The following MRC1 variants were observed in gnomAD, a reference collection of about 807,000 sequenced individuals.
MRC1 encodes the protein macrophage mannose receptor 1.
A neutral mutation model predicts 102.9 loss-of-function variants in MRC1; 62 were observed. That is an observed-to-expected ratio of 0.60 (90% CI 0.49 to 0.74). The LOEUF (loss-of-function observed/expected upper bound fraction) is 0.74. Ranked by LOEUF, MRC1 falls within the 30% of genes least tolerant of loss-of-function variation. MRC1 has a pLI of 0.00. For synonymous variants in MRC1, 457 were observed against 298.4 expected (o/e 1.53, Z -5.48); for missense variants, 1,237 against 862.8 (o/e 1.43, Z -5.43).
chr10:17,824,179 T>C (rs1390409569), intron 2 of MRC1, among the ~76,000 whole-genome samples: 3 of 152,228 alleles, frequency 2.0e-5, no homozygotes, highest in Non-Finnish European at 2.9e-5. Flanking sequence ...TTCTTTCTTA[T>C]ATTGACCAAA....
chr10:17,810,962 T>C (rs1838212057), intron 1 of MRC1, among the ~76,000 whole-genome samples: 1 of 152,104 alleles, frequency 6.6e-6, no homozygotes, highest in African/African-American at 2.4e-5. Flanking sequence ...CCAGCTGATT[T>C]TTGTAGTTTT....
At chr10:17,880,893 A>G (rs1404341504) in intron 20 of MRC1, among the ~76,000 whole-genome samples, 174 bp from the exon 21 acceptor site, 1 of 152,240 alleles carries the variant, frequency 6.6e-6, no homozygotes, top group African/African-American at 2.4e-5. Flanking sequence ...AACTTTGCAA[A>G]GAAAGTGAGT....
rs952514819 is a variant in MRC1 at position 17,869,921 on chromosome 10, A to G, written c.1984-325A>G. ...TCTTTCCATCTCAATGCCACTTTTT[A>G]CACTTAACCAAATTAATCTTGTCTT... On this transcript the variant is annotated intron_variant, in intron 12 of 29. Transcript: ENST00000569591. 2.9e-4 allele frequency among the ~76,000 whole-genome samples: 44 copies of G among 152,308 alleles called. 1 individual carries two copies. The South Asian group carries it at 8.5e-3, about 29-fold the overall frequency.
At chr10:17,857,776 G>A (rs1002916800) in intron 9 of MRC1, among the ~76,000 whole-genome samples, 1 of 152,198 alleles carries the variant, frequency 6.6e-6, no homozygotes. Flanking sequence ...ATACAGTGGT[G>A]TTGAGGGGTC....
chr10:17,895,304 A>C lies in MRC1; in HGVS notation c.3250+992A>C, dbSNP rs1025466252. Reference sequence around the variant, plus strand: ...ACAGGTTTGATTGTTGCTTTAATCCATGGAAGCCTATGACAGACAAAAAGG... The same window carrying C: ...ACAGGTTTGATTGTTGCTTTAATCCCTGGAAGCCTATGACAGACAAAAAGG... On this transcript the variant is annotated intron_variant, in intron 23 of 29. Transcript: ENST00000569591. Among the ~76,000 whole-genome samples the C allele has an allele frequency of 7.2e-5, 11 of 152,204 alleles. No homozygotes were observed. The South Asian group carries it at 2.3e-3, about 32-fold the overall frequency.
intron 2 of MRC1, among the ~76,000 whole-genome samples, chr10:17,826,694 C>A (rs1475850052): frequency 2.6e-5 from 4 of 152,342 alleles, no homozygotes; most frequent in East Asian, 1.9e-4. Flanking sequence ...GCTTCCTTAA[C>A]CTTTTTGGCT....
chr10:17,850,520 A>G (rs1838898798), intron 7 of MRC1, among the ~76,000 whole-genome samples: 2 of 152,196 alleles, frequency 1.3e-5, no homozygotes, highest in South Asian at 4.1e-4. Flanking sequence ...CTAAGCAGAA[A>G]AAAATAGATG....
At chr10:17,832,941 A>G (rs1047295454) in intron 3 of MRC1, among the ~76,000 whole-genome samples, 3 of 152,112 alleles carry the variant, frequency 2.0e-5, no homozygotes, top group Non-Finnish European at 4.4e-5. Flanking sequence ...TTGCATGCAT[A>G]TATTGCATCA....
rs1222375918 is a variant in MRC1, at chr10:17,838,130, G to GAATTC, written c.803-2561_803-2557dup. ...TCCTGTTTAGAAAACAGCTGAACTG[G>GAATTC]AATTCAGCCCTGTCTTCCATTTCAC... On this transcript the variant is annotated intron_variant, in intron 4 of 29. Transcript: ENST00000569591. 5.4e-4 allele frequency among the ~76,000 whole-genome samples: 82 copies of GAATTC among 152,182 alleles called. 1 individual carries two copies. Among genetic ancestry groups the GAATTC allele is most frequent in the East Asian group, 9.7e-4 (5 of 5,176 alleles).
At chr10:17,854,509 A>G (rs1833048768) in intron 8 of MRC1, among the ~76,000 whole-genome samples, 2 of 152,078 alleles carry the variant, frequency 1.3e-5, no homozygotes, top group African/African-American at 4.8e-5. Context: ...TCATGAAGTC[A>G]GAGCCGGAAG....
intron 7 of MRC1, among the ~76,000 whole-genome samples, chr10:17,851,338 G>C (rs1838913407): frequency 6.6e-6 from 1 of 151,842 alleles, no homozygotes; most frequent in Non-Finnish European, 1.5e-5. Context: ...TAAAAGTAAA[G>C]TTGTAAAGTT....
chr10:17,900,814 T>G lies in MRC1; in HGVS notation c.3510T>G (p.Asp1170Glu). 1 of 780,794 alleles carries G rather than the reference T, an allele frequency of 1.3e-6. No individual in the cohort carries two copies. The highest frequency in any genetic ancestry group is 1.3e-5 in the South Asian group (1 of 74,614). The allele number at this position is 780,794 out of a possible 1,614,324, so 48.4% of individuals were successfully genotyped here. A position where few individuals can be genotyped will look rare whatever the true frequency, so the allele number is the denominator to read the frequency against. Residue 1170 changes from aspartate (D) to glutamate (E), a missense_variant, in exon 25 of 30, where the codon GAT becomes GAG. Physicochemically the swap from Asp to Glu is conservative, Grantham distance 45. Coordinates refer to ENST00000569591, the MANE Select transcript of MRC1 (RefSeq NM_002438.4). ...NLTDNQYTWTDKWRVRYTNWA... is the reference protein window; with the variant it reads ...NLTDNQYTWTEKWRVRYTNWA... ...CTGATAATCAATACACTTGGACTGA[T>G]AAGTGGAGGGTGAGGTACACTAACT...
chr10:17,821,068 A>T (rs1343618502), intron 1 of MRC1, among the ~76,000 whole-genome samples: 2 of 152,166 alleles, frequency 1.3e-5, no homozygotes, highest in Non-Finnish European at 2.9e-5. Flanking sequence ...AACAGTTGTC[A>T]AGTGCAGAGA....
chr10:17,824,775 C>G (rs1838448383), intron 2 of MRC1, among the ~76,000 whole-genome samples: 1 of 152,088 alleles, frequency 6.6e-6, no homozygotes, highest in Non-Finnish European at 1.5e-5. Flanking sequence ...AAGATTGGCG[C>G]TAAGAAATCG....
intron 23 of MRC1, among the ~76,000 whole-genome samples, chr10:17,894,920 C>T (rs1465124125): frequency 6.6e-6 from 1 of 152,126 alleles, no homozygotes; most frequent in Non-Finnish European, 1.5e-5. Flanking sequence ...TGCCTGTAAT[C>T]CCAGCACTTT....
rs1423590855 is a variant in MRC1, at chr10:17,826,578, G to A, written c.464-964G>A. 5.9e-5 allele frequency among the ~76,000 whole-genome samples: 9 copies of A among 152,310 alleles called. 2 individuals carry two copies. In the Middle Eastern group the frequency reaches 0.02, roughly 345 times the overall value. On this transcript the variant is annotated intron_variant, in intron 2 of 29. Coordinates refer to ENST00000569591, the MANE Select transcript of MRC1 (RefSeq NM_002438.4). ...TCTGAATGTCAGTTGGTGGCAAGAG[G>A]TCAAATACTTTAATGTAAAAAGTTG... is the stretch of plus-strand genomic sequence containing the variant.
chr10:17,825,480 C>T (rs1209792497), intron 2 of MRC1, among the ~76,000 whole-genome samples: 1 of 152,120 alleles, frequency 6.6e-6, no homozygotes, highest in Non-Finnish European at 1.5e-5. Context: ...GTGGCTCACG[C>T]CTGTAATCCC....
rs782100594 is a variant in MRC1, at chr10:17,853,572, ATG to A, written c.1407+476_1407+477del. Among the ~76,000 whole-genome samples the A allele has an allele frequency of 5.7e-4, 84 of 146,806 alleles. 1 individual carries two copies. The highest frequency in any genetic ancestry group is 9.1e-4 in the African/African-American group (36 of 39,492). ...GAGATGTAAAAAGAGATATATATGTATGTGTGTGTGTGTGTGTGTGTGTGTGT... is the reference window on the plus strand; with the variant it reads ...GAGATGTAAAAAGAGATATATATGTATGTGTGTGTGTGTGTGTGTGTGTGT... On this transcript the variant is annotated intron_variant, in intron 8 of 29. Transcript: ENST00000569591.
chr10:17,847,059 T>C (rs1336890163), intron 6 of MRC1, among the ~76,000 whole-genome samples: 1 of 152,218 alleles, frequency 6.6e-6, no homozygotes, highest in African/African-American at 2.4e-5. Context: ...TTGATTATCC[T>C]TTACAGGCTC....
Sources: allele counts gnomAD v4.1 joint callset (sites outside exome capture counted in the v4.1 genomes callset), GRCh38; gene constraint gnomAD v4.1.1; transcripts MANE v1.5; gene names NCBI Gene and HGNC (gene_info 2026-07-23, HGNC 2026-07-21).